Variants in SPATA13 observed in about 807,000 individuals in gnomAD.
SPATA13 encodes spermatogenesis-associated protein 13.
A neutral mutation model predicts 104.0 loss-of-function variants in SPATA13; 50 were observed. The observed-to-expected ratio is 0.48, with a 90% confidence interval of 0.38 to 0.61. The LOEUF (loss-of-function observed/expected upper bound fraction) is 0.61. Ranked by LOEUF, SPATA13 falls within the 20% of genes least tolerant of loss-of-function variation. The pLI is 0.00. For synonymous variants in SPATA13, 606 were observed against 667.5 expected (o/e 0.91, Z 1.42); for missense variants, 1,524 against 1,690.6 (o/e 0.90, Z 1.73).
intron 3 of SPATA13, among the ~76,000 whole-genome samples, chr13:24,106,231 T>G (rs1880448008): frequency 6.6e-6 from 1 of 152,156 alleles, no homozygotes; most frequent in African/African-American, 2.4e-5. Context: ...ACAGGGCTTC[T>G]CTGTGTTGCT....
At position 24,088,766 on chromosome 13, in the gene SPATA13, C is replaced by A. The variant is rs1879817712; in HGVS notation, c.-112+71065C>A. 6.6e-6 allele frequency among the ~76,000 whole-genome samples: 1 copy of A among 152,268 alleles called. No individual in the cohort carries two copies. Among genetic ancestry groups the A allele is most frequent in the South Asian group, 2.1e-4 (1 of 4,826 alleles). On this transcript the variant is annotated intron_variant, in intron 3 of 14. Coordinates refer to the SPATA13 transcript ENST00000424834. The surrounding 1 kb of genome is among the most constrained non-coding windows in gnomAD (Gnocchi z 4.3). ...CCAGGTGCTGAGCCAGTTCTGAGAGCCAATCTGCCATCATTTAATCAATTA... is the reference window on the plus strand; with the variant it reads ...CCAGGTGCTGAGCCAGTTCTGAGAGACAATCTGCCATCATTTAATCAATTA...
At chr13:24,015,306 C>T (rs1236203505) in intron 2 of SPATA13, among the ~76,000 whole-genome samples, 1 of 152,186 alleles carries the variant, frequency 6.6e-6, no homozygotes, top group Non-Finnish European at 1.5e-5. Context: ...GCAAAATAGA[C>T]ACATGACATT....
intron 3 of SPATA13, among the ~76,000 whole-genome samples, chr13:24,106,877 G>C (rs915688389): frequency 5.3e-5 from 8 of 152,148 alleles, no homozygotes; most frequent in Non-Finnish European, 4.4e-5. Context: ...AAAGCAGATC[G>C]AGTGAGTTTC....
chr13:24,132,271 C>T (rs1191288073), intron 3 of SPATA13, among the ~76,000 whole-genome samples: 2 of 152,194 alleles, frequency 1.3e-5, no homozygotes, highest in African/African-American at 4.8e-5. Context: ...GAATGACTTC[C>T]CCCAAAAAAT....
intron 3 of SPATA13, 152 bp from the exon 4 acceptor site, chr13:24,251,566 G>T: frequency 6.7e-7 from 1 of 1,488,824 alleles, no homozygotes. Flanking sequence ...AGTTGCCACT[G>T]GGCTTCGGTG....
intron 1 of SPATA13, among the ~76,000 whole-genome samples, chr13:24,177,055 G>A (rs142408229): frequency 6.2e-4 from 94 of 152,134 alleles, no homozygotes; most frequent in African/African-American, 2.0e-3. Context: ...ACGAGCTGCC[G>A]CACCCAGCCT....
intron 9 of SPATA13, among the ~76,000 whole-genome samples, chr13:24,291,902 G>A (rs900764333): frequency 2.7e-5 from 4 of 150,844 alleles, no homozygotes; most frequent in East Asian, 1.9e-4. Flanking sequence ...GACTACAGGC[G>A]CCCGCCACCG....
At chr13:24,256,032 A>G (rs1333631948) in intron 4 of SPATA13, among the ~76,000 whole-genome samples, 2 of 152,232 alleles carry the variant, frequency 1.3e-5, no homozygotes, top group Non-Finnish European at 2.9e-5. Flanking sequence ...GATATGTGAG[A>G]TTTGTTTTAA....
In SPATA13 at chr13:24,286,397, A is replaced by C; in HGVS notation, c.2481+4A>C. On this transcript the variant is annotated splice_donor_region_variant and intron_variant, in intron 6 of 12. Coordinates refer to ENST00000382108, the MANE Select transcript of SPATA13 (RefSeq NM_001166271.3). This position sits in a 1 kb window ranked among gnomAD's most constrained non-coding sequence, Gnocchi z 4.9. ...GTTCCCCGCGAGCTTCGTCAGAGTA[A>C]GTGTGGGGTGCTTGCAGCTTTTCCA... is the stretch of plus-strand genomic sequence containing the variant. 1 of 1,610,318 alleles carries C rather than the reference A, an allele frequency of 6.2e-7. No individual in the cohort carries two copies. The highest frequency in any genetic ancestry group is 8.5e-7 in the Non-Finnish European group (1 of 1,178,878).
In SPATA13 at chr13:24,224,447, A is replaced by G. The variant is rs1402377538; in HGVS notation, c.1518A>G (p.Glu506=). The G allele has an allele frequency of 4.5e-6, 7 of 1,551,628 alleles. No homozygotes were observed. In the African/African-American group the frequency reaches 9.6e-5, roughly 21 times the overall value. Residue 506 remains glutamate, a synonymous_variant, in exon 2 of 13, where the codon GAA becomes GAG. Transcript: ENST00000382108. ...CAGAGGAAAGTGAAGGAAGGGCAGA[A>G]GAGCCTGCTCAGAGAGAGCCAGGGC... ...ANSEESEGRA[E]EPAQREPGPV...
Position 24,223,644 on chromosome 13 carries a change from G to C in SPATA13, c.715G>C (p.Val239Leu), listed in dbSNP as rs138175183. The C allele has an allele frequency of 2.6e-6, 4 of 1,552,088 alleles. No homozygotes were observed. The highest frequency in any genetic ancestry group is 3.5e-6 in the Non-Finnish European group (4 of 1,147,114). ...GQVPAVCEIL[V>L]RDPENNSMGY... is the part of the protein sequence containing the mutation. ...GGTGCCCGCCGTGTGTGAGATTCTC[G>C]TGAGGGACCCTGAAAACAACAGCAT... Residue 239 changes from valine to leucine, a missense_variant, in exon 2 of 13, where the codon GTG becomes CTG. Val to Leu is a conservative substitution (Grantham distance 32). Coordinates refer to ENST00000382108, the MANE Select transcript of SPATA13 (RefSeq NM_001166271.3).
intron 2 of SPATA13, among the ~76,000 whole-genome samples, chr13:24,226,772 C>T (rs1305676016): frequency 1.3e-5 from 2 of 152,216 alleles, no homozygotes; most frequent in Non-Finnish European, 2.9e-5. Flanking sequence ...GCCAGGACAG[C>T]CTCTGCACTG....
In SPATA13 at chr13:24,210,766, G is replaced by GTTTTTTTTTTTTTTT. The variant is rs58789886; in HGVS notation, c.-111-12039_-111-12038insTTTTTTTTTTTTTTT. 2.8e-4 allele frequency among the ~76,000 whole-genome samples: 38 copies of GTTTTTTTTTTTTTTT among 137,464 alleles called. 1 individual carries two copies. The highest frequency in any genetic ancestry group is 3.9e-3 in the Middle Eastern group (1 of 258). The allele number at this position is 137,464 out of a possible 152,430, so 90.2% of individuals were successfully genotyped here. ...TTTATGGTTCTATATGAATTTTAGG[G>GTTTTTTTTTTTTTTT]TTTTTTTTTTTTTTGTATTTCATTG... On this transcript the variant is annotated intron_variant, in intron 1 of 12. Transcript: ENST00000382108.
intron 3 of SPATA13, among the ~76,000 whole-genome samples, chr13:24,141,074 C>G (rs1881746191): frequency 6.6e-6 from 1 of 151,642 alleles, no homozygotes; most frequent in Non-Finnish European, 1.5e-5. Context: ...ACTCAGGAGG[C>G]TGAGGCAGGA....
intron 1 of SPATA13, among the ~76,000 whole-genome samples, chr13:24,196,106 C>T (rs1325173473): frequency 6.6e-6 from 1 of 152,126 alleles, no homozygotes; most frequent in Non-Finnish European, 1.5e-5. Context: ...AATTAACTTA[C>T]TGCAGAGTTT....
intron 3 of SPATA13, among the ~76,000 whole-genome samples, chr13:24,095,536 G>A (rs1484494970): frequency 2.0e-5 from 3 of 152,250 alleles, no homozygotes; most frequent in Admixed American, 6.5e-5. Context: ...CTGATGCCAC[G>A]GAGCTATACG....
chr13:24,204,674 A>G (rs1424205056), intron 1 of SPATA13, among the ~76,000 whole-genome samples: 2 of 152,178 alleles, frequency 1.3e-5, no homozygotes, highest in African/African-American at 4.8e-5. Context: ...TTCTCTAGGT[A>G]CTTCAAATAA....
At chr13:24,169,822 C>G (rs189127951) in intron 1 of SPATA13, among the ~76,000 whole-genome samples, 278 of 152,344 alleles carry the variant, frequency 1.8e-3, no homozygotes, top group Admixed American at 3.7e-3. Context: ...AGTCCCCACT[C>G]TCCTCTCCTG....
rs35768526 is a variant in SPATA13, at chr13:24,270,856, G to C, written c.2165-13279G>C. On this transcript the variant is annotated intron_variant, in intron 4 of 12. Coordinates refer to ENST00000382108, the MANE Select transcript of SPATA13 (RefSeq NM_001166271.3). ...GAAGGTTGCCGTTTTCCAAACAGAAGGATGGTAGCTAGAGGGGAGATAGCA... is the reference window on the plus strand; with the variant it reads ...GAAGGTTGCCGTTTTCCAAACAGAACGATGGTAGCTAGAGGGGAGATAGCA... 22,992 of 1,612,834 alleles carry C rather than the reference G, an allele frequency of 0.014. 181 individuals are homozygous for C. The highest frequency in any genetic ancestry group is 0.019 in the Middle Eastern group (115 of 6,062).
Sources: gnomAD v4.1 joint callset for allele counts (sites outside exome capture counted in the v4.1 genomes callset) on GRCh38, gnomAD v4.1.1 for gene constraint, Gnocchi (gnomAD v3.1) non-coding constraint, MANE v1.5 for transcripts, NCBI Gene and HGNC (gene_info 2026-07-23, HGNC 2026-07-21) for gene names.